Variants in CECR2 observed in about 807,000 individuals in gnomAD.
CECR2 encodes the protein CECR2 histone acetyl-lysine reader.
A neutral mutation model predicts 154.5 loss-of-function variants in CECR2; 30 were observed. That is an observed-to-expected ratio of 0.19 (90% CI 0.15 to 0.26). The LOEUF is 0.26. CECR2 is among the 10% of genes least tolerant of loss of function. The pLI is 1.00. For synonymous variants in CECR2, 725 were observed against 683.7 expected, an observed-to-expected ratio of 1.06 and a Z score of -0.94; for missense variants, 1,743 against 1,829.3, an observed-to-expected ratio of 0.95 and a Z score of 0.86.
In CECR2 at chr22:17,447,033, C is replaced by CTGTTTTTTTTTTTTTTTTTT. The variant is rs1339121774; in HGVS notation, c.127-30554_127-30553insGTTTTTTTTTTTTTTTTTTT. On this transcript the variant is annotated intron_variant, in intron 1 of 18. Coordinates refer to ENST00000262608, the MANE Select transcript of CECR2 (RefSeq NM_001290047.2). ...GAGTGCTGAGTGGTGCGTTTACAAT[C>CTGTTTTTTTTTTTTTTTTTT]TTTTTTTTTTTTTTTTTTTGAGACA... Among the ~76,000 whole-genome samples the CTGTTTTTTTTTTTTTTTTTT allele has an allele frequency of 1.9e-3, 212 of 114,094 alleles. 33 individuals are homozygous for CTGTTTTTTTTTTTTTTTTTT. The highest frequency in any genetic ancestry group is 7.0e-3 in the African/African-American group (188 of 26,686). 74.9% of individuals were successfully genotyped at this position (114,094 alleles called of 152,430 possible). A position where few individuals can be genotyped will look rare whatever the true frequency, so the allele number is the denominator to read the frequency against.
intron 2 of CECR2, among the ~76,000 whole-genome samples, chr22:17,486,859 A>G (rs1181874709): frequency 2.0e-5 from 3 of 152,150 alleles, no homozygotes; most frequent in Non-Finnish European, 4.4e-5. Flanking sequence ...TTACCACACA[A>G]TCACCTAAGG....
intron 17 of CECR2, 115 bp from the exon 18 acceptor site, chr22:17,551,916 C>A: frequency 1.0e-6 from 1 of 968,362 alleles, no homozygotes; most frequent in Non-Finnish European, 1.6e-6. Context: ...ATGGATGATT[C>A]CAGGCCTGAT....
intron 2 of CECR2, among the ~76,000 whole-genome samples, chr22:17,495,149 A>G (rs2055600333): frequency 6.6e-6 from 1 of 152,226 alleles, no homozygotes; most frequent in Non-Finnish European, 1.5e-5. Context: ...CTCTTTGCTT[A>G]TTAATAAGAA....
chr22:17,485,664 C>T (rs756278333), intron 2 of CECR2, among the ~76,000 whole-genome samples: 1 of 152,124 alleles, frequency 6.6e-6, no homozygotes, highest in Non-Finnish European at 1.5e-5. Context: ...GTCCCAGGTA[C>T]TCGGGAGGCT....
At chr22:17,525,003 G>A (rs1180656644) in intron 9 of CECR2, 1 of 166,034 alleles carries the variant, frequency 6.0e-6, no homozygotes, top group Non-Finnish European at 1.3e-5. Context: ...GAAATGAGGG[G>A]TCAGGCACAG....
rs543558735 is a variant in CECR2 at position 17,373,116 on chromosome 22, A to G, written c.126+3207A>G. Among the ~76,000 whole-genome samples the G allele has an allele frequency of 4.6e-5, 7 of 152,234 alleles. No individual in the cohort carries two copies. In the South Asian group the frequency reaches 1.4e-3, roughly 32 times the overall value. On this transcript the variant is annotated intron_variant, in intron 1 of 18. Coordinates refer to ENST00000262608, the MANE Select transcript of CECR2 (RefSeq NM_001290047.2). ...CTCACTCTGTTGCCCAGGCTGGAGT[A>G]CAGTGGCGCGACCTCGGCTCACTGC...
intron 1 of CECR2, among the ~76,000 whole-genome samples, chr22:17,379,839 G>A (rs2063165987): frequency 6.6e-6 from 1 of 152,102 alleles, no homozygotes; most frequent in South Asian, 2.1e-4. Flanking sequence ...GACTCAAGCA[G>A]TCTAGTGCAC....
At chr22:17,413,447 A>G (rs552351552) in intron 1 of CECR2, among the ~76,000 whole-genome samples, 14 of 152,232 alleles carry the variant, frequency 9.2e-5, no homozygotes, top group African/African-American at 1.9e-4. Context: ...TAAGCTCACT[A>G]TTCTGCAGCT....
At chr22:17,399,684 A>C (rs1196623952) in intron 1 of CECR2, among the ~76,000 whole-genome samples, 1 of 152,154 alleles carries the variant, frequency 6.6e-6, no homozygotes, top group Non-Finnish European at 1.5e-5. Context: ...CTGGGATTAC[A>C]GGCGTGAGCC....
At position 17,361,281 on chromosome 22, in the gene CECR2, G is replaced by GT. The variant is rs1377689112; in HGVS notation, c.-364+1261dup. Among the ~76,000 whole-genome samples the GT allele has an allele frequency of 2.0e-5, 3 of 152,258 alleles. No homozygotes were observed. The East Asian group carries it at 5.8e-4, about 29-fold the overall frequency. ...GGTGGGCATATCATTGAGGTCAGGA[G>GT]TTTGAGACCAGCCTGGCCAACATGG... On this transcript the variant is annotated intron_variant, in intron 1 of 18. Transcript: ENST00000400585.
intron 1 of CECR2, among the ~76,000 whole-genome samples, chr22:17,423,829 A>C (rs1208168534): frequency 1.3e-5 from 2 of 152,116 alleles, no homozygotes; most frequent in African/African-American, 4.8e-5. Flanking sequence ...CATCTCTTTG[A>C]GGAATCTGAG....
chr22:17,482,816 G>A (rs531352285), intron 2 of CECR2, among the ~76,000 whole-genome samples: 6 of 149,688 alleles, frequency 4.0e-5, no homozygotes, highest in Admixed American at 4.0e-4. Context: ...CAGCAGCTGG[G>A]ACTACAGGTG....
intron 2 of CECR2, among the ~76,000 whole-genome samples, chr22:17,480,931 T>A (rs558159654): frequency 6.6e-6 from 1 of 151,408 alleles, no homozygotes; most frequent in African/African-American, 2.4e-5. Flanking sequence ...TCCCAGCTAC[T>A]CAGGAGGCTG....
intron 7 of CECR2, among the ~76,000 whole-genome samples, chr22:17,506,706 T>A (rs766650409): frequency 6.6e-6 from 1 of 152,148 alleles, no homozygotes; most frequent in Non-Finnish European, 1.5e-5. Context: ...CAGGGTGGAG[T>A]GCAGTGGCAC....
At chr22:17,373,781 A>G (rs1885443358) in intron 1 of CECR2, among the ~76,000 whole-genome samples, 5 of 152,232 alleles carry the variant, frequency 3.3e-5, no homozygotes. Flanking sequence ...GAAATTTACC[A>G]AAGAAGCTCT....
intron 7 of CECR2, among the ~76,000 whole-genome samples, chr22:17,505,652 G>A (rs1351462243): frequency 6.8e-6 from 1 of 146,386 alleles, no homozygotes; most frequent in African/African-American, 2.5e-5. Flanking sequence ...TCCTGCCTCA[G>A]CCTCCTGAGT....
chr22:17,379,630 G>A (rs1569042657), intron 1 of CECR2, among the ~76,000 whole-genome samples: 2 of 145,946 alleles, frequency 1.4e-5, no homozygotes, highest in East Asian at 2.0e-4. Flanking sequence ...GTGTGTTTGC[G>A]ATATATGCAT....
chr22:17,481,892 G>A (rs2055326720), intron 2 of CECR2, among the ~76,000 whole-genome samples: 2 of 151,776 alleles, frequency 1.3e-5, no homozygotes, highest in South Asian at 2.1e-4. Flanking sequence ...CGAGGCGGGC[G>A]GATCACCAGG....
At chr22:17,457,992 A>G (rs2054880064) in intron 1 of CECR2, among the ~76,000 whole-genome samples, 1 of 152,242 alleles carries the variant, frequency 6.6e-6, no homozygotes. Context: ...GTGGTTGCCA[A>G]GGATTAGAGA....
Sources: allele counts gnomAD v4.1 joint callset (sites outside exome capture counted in the v4.1 genomes callset), GRCh38; gene constraint gnomAD v4.1.1; transcripts MANE v1.5; gene names NCBI Gene and HGNC (gene_info 2026-07-23, HGNC 2026-07-21).